SKIC3: variants seen among roughly 807,000 people sequenced by gnomAD.
SKIC3 encodes superkiller complex protein 3.
At chr5:95,464,812 G>T in the SKIC3 span, 1 of 693,640 alleles carries the variant, frequency 1.4e-6, no homozygotes, top group Non-Finnish European at 2.6e-6. Context: ...TAGGAAAAGT[G>T]ACTCTGTGCA....
chr5:95,514,091 T>C, the SKIC3 span, among the ~76,000 whole-genome samples: 1 of 152,140 alleles, frequency 6.6e-6, no homozygotes, highest in African/African-American at 2.4e-5. Flanking sequence ...TAGCTCTGCT[T>C]GCTTCACCAA....
At chr5:95,504,879 C>T in the SKIC3 span, among the ~76,000 whole-genome samples, 1 of 151,932 alleles carries the variant, frequency 6.6e-6, no homozygotes, top group Non-Finnish European at 1.5e-5. Context: ...GTGGTGGGTG[C>T]CTGTAATTCC....
chr5:95,491,119 T>A, the SKIC3 span: 1 of 1,539,378 alleles, frequency 6.5e-7, no homozygotes, highest in Non-Finnish European at 8.8e-7. Flanking sequence ...ATTAAGAGTT[T>A]ACAAGTTAAA....
chr5:95,531,667 G>A, the SKIC3 span, among the ~76,000 whole-genome samples: 65 of 152,280 alleles, frequency 4.3e-4, 1 homozygote, highest in Middle Eastern at 6.8e-3. Context: ...CAGTAGGTCT[G>A]TTTAAGACCT....
At chr5:95,483,652 C>G in the SKIC3 span, among the ~76,000 whole-genome samples, 1 of 152,186 alleles carries the variant, frequency 6.6e-6, no homozygotes, top group African/African-American at 2.4e-5. Context: ...TACACAACCT[C>G]CATGGTAAGC....
the SKIC3 span, among the ~76,000 whole-genome samples, chr5:95,493,004 A>T: frequency 6.6e-6 from 1 of 152,190 alleles, no homozygotes; most frequent in African/African-American, 2.4e-5. Context: ...AAAAATTTTA[A>T]AATATAGCTT....
chr5:95,465,756 C>T, the SKIC3 span, among the ~76,000 whole-genome samples: 3 of 152,136 alleles, frequency 2.0e-5, no homozygotes, highest in Non-Finnish European at 4.4e-5. Flanking sequence ...AGAAGGGAAC[C>T]CTAAGCCTAG....
chr5:95,502,701 T>C, the SKIC3 span, among the ~76,000 whole-genome samples: 2 of 152,178 alleles, frequency 1.3e-5, no homozygotes, highest in African/African-American at 4.8e-5. Context: ...GATCAAGGGA[T>C]AAGAATTAAA....
chr5:95,511,060 G>T, the SKIC3 span, among the ~76,000 whole-genome samples: 1 of 152,172 alleles, frequency 6.6e-6, no homozygotes, highest in East Asian at 1.9e-4. Context: ...AATAGTCAAA[G>T]TTATTCTTGA....
the SKIC3 span, chr5:95,494,580 G>T: frequency 1.6e-6 from 2 of 1,213,194 alleles, no homozygotes; most frequent in Non-Finnish European, 1.2e-6. Flanking sequence ...TATAAACAAT[G>T]CCAATAAAAT....
chr5:95,482,482 T>G, the SKIC3 span: 1 of 1,613,988 alleles, frequency 6.2e-7, no homozygotes, highest in Non-Finnish European at 8.5e-7. Flanking sequence ...CCTGCCAAGC[T>G]GGAACAGAGG....
At chr5:95,478,187 AAAC>A in the SKIC3 span, 60 of 1,369,172 alleles carry the variant, frequency 4.4e-5, no homozygotes, top group African/African-American at 6.8e-4. Flanking sequence ...GAACACAATG[AAAC>A]AACAGGACTT....
the SKIC3 span, chr5:95,543,208 C>T: frequency 1.8e-4 from 292 of 1,613,966 alleles, 3 homozygotes; most frequent in Middle Eastern, 8.2e-4. Context: ...ATTGGTCTGG[C>T]TCTAATTCAG....
chr5:95,535,599 C>T, the SKIC3 span, among the ~76,000 whole-genome samples: 1 of 151,480 alleles, frequency 6.6e-6, no homozygotes, highest in Non-Finnish European at 1.5e-5. Context: ...TGTGAGCCAC[C>T]GCGCCCGGCC....
At chr5:95,480,936 T>G in the SKIC3 span, among the ~76,000 whole-genome samples, 340 of 152,084 alleles carry the variant, frequency 2.2e-3, no homozygotes, top group African/African-American at 7.9e-3. Flanking sequence ...GAATAGAGGA[T>G]TTCCTTGTTT....
chr5:95,507,130 A>G, the SKIC3 span: 1 of 845,294 alleles, frequency 1.2e-6, no homozygotes, highest in East Asian at 2.6e-5. Context: ...GGTGCTAGTT[A>G]CAATAGCTTA....
the SKIC3 span, among the ~76,000 whole-genome samples, chr5:95,550,284 G>T: frequency 6.6e-6 from 1 of 151,836 alleles, no homozygotes; most frequent in Non-Finnish European, 1.5e-5. Flanking sequence ...TATGTCCCCA[G>T]TTGAGGCTAT....
chr5:95,489,426 C>T, the SKIC3 span, among the ~76,000 whole-genome samples: 1 of 150,384 alleles, frequency 6.6e-6, no homozygotes, highest in East Asian at 1.9e-4. Context: ...ACTATAAGGA[C>T]TTGCACTATC....
chr5:95,470,961 A>ATT, the SKIC3 span, among the ~76,000 whole-genome samples: 1 of 152,204 alleles, frequency 6.6e-6, no homozygotes, highest in African/African-American at 2.4e-5. Flanking sequence ...AGTATCTAAA[A>ATT]TATGTATTTT....
Sources: allele counts gnomAD v4.1 joint callset (sites outside exome capture counted in the v4.1 genomes callset), GRCh38; gene constraint gnomAD v4.1.1; transcripts MANE v1.5; gene names NCBI Gene and HGNC (gene_info 2026-07-23, HGNC 2026-07-21).